The following NPHS2 variants were observed in gnomAD, a reference collection of about 807,000 sequenced individuals.
NPHS2 encodes the protein podocin.
In NPHS2, 36 loss-of-function variants were observed where a neutral mutation model predicts 37.1. The ratio of observed to expected loss-of-function variants is 0.97; its 90% CI spans 0.74 to 1.28. NPHS2 has a LOEUF of 1.28. Ranked by LOEUF, NPHS2 falls within the 50% of genes most tolerant of loss-of-function variation. The probability of loss-of-function intolerance (pLI) is 0.00; values close to 1 mark genes in which losing one functional copy is unlikely to be tolerated. For missense variants in NPHS2, 447 were observed against 488.1 expected, an observed-to-expected ratio of 0.92 and a Z score of 0.79; for synonymous variants, 196 against 189.3, an observed-to-expected ratio of 1.04 and a Z score of -0.29.
chr1:179,570,595 C>G lies in NPHS2; in HGVS notation c.274+4996G>C, dbSNP rs186816108. Among the ~76,000 whole-genome samples the G allele has an allele frequency of 1.3e-3, 202 of 152,278 alleles. 1 individual carries two copies. Among genetic ancestry groups the G allele is most frequent in the Non-Finnish European group, 2.3e-3 (158 of 68,024 alleles). On this transcript the variant is annotated intron_variant, in intron 1 of 7. Coordinates refer to ENST00000367615, the MANE Select transcript of NPHS2 (RefSeq NM_014625.4). Reference sequence around the variant, plus strand: ...TAGACACACAACCTTCCAGCTTGGGCGTTAGGGCCATTATGAACATGTTAC... The same window carrying G: ...TAGACACACAACCTTCCAGCTTGGGGGTTAGGGCCATTATGAACATGTTAC...
intron 4 of NPHS2, 88 bp from the exon 5 acceptor site, chr1:179,557,318 A>G (rs968967452): frequency 1.2e-5 from 13 of 1,045,142 alleles, no homozygotes; most frequent in Non-Finnish European, 1.8e-5. Flanking sequence ...TTCAAAGTGA[A>G]TTTTCTCCGC....
chr1:179,551,530 G>A, intron 7 of NPHS2, 79 bp from the exon 8 acceptor site: 1 of 1,526,388 alleles, frequency 6.6e-7, no homozygotes. Flanking sequence ...TGACTCAGCA[G>A]ACAAGCACTG....
chr1:179,575,695 G>T lies in NPHS2; in HGVS notation c.170C>A (p.Pro57His). The T allele has an allele frequency of 1.3e-6, 2 of 1,582,906 alleles. No individual in the cohort carries two copies. Among genetic ancestry groups the T allele is most frequent in the Non-Finnish European group, 1.7e-6 (2 of 1,170,284 alleles). ...GSGRAGTPGE[P>H]RAPAATVVDV... The stretch of plus-strand genomic sequence containing the variant: ...CACCACCGTGGCGGCGGGCGCTCGG[G>T]GCTCCCCCGGGGTCCCCGCCCGTCC... The change falls in exon 1 of 8, where the codon CCC becomes CAC. Residue 57 changes from proline (P) to histidine (H), a missense_variant. Pro to His is a moderately conservative substitution (Grantham distance 77). Transcript: ENST00000367615.
In NPHS2 at chr1:179,557,036, T is replaced by C. The variant is rs2125784362; in HGVS notation, c.729A>G (p.Gln243=). The stretch of plus-strand genomic sequence containing the variant: ...ATGTTTATCTAAGTACCTTTGCATC[T>C]TGGGCGATGCTCTTCCTCTCTAGAA... ...EILLERKSIA[Q]DAKVALDSVT... The change falls in exon 5 of 8, where the codon CAA becomes CAG. Residue 243 remains glutamine (Q), a synonymous_variant. Coordinates refer to ENST00000367615, the MANE Select transcript of NPHS2 (RefSeq NM_014625.4). The C allele has an allele frequency of 6.2e-7, 1 of 1,613,190 alleles. No homozygotes were observed. Among genetic ancestry groups the C allele is most frequent in the South Asian group, 1.1e-5 (1 of 90,974 alleles).
Position 179,550,757 on chromosome 1 carries a change from G to A in NPHS2, c.*416C>T. ...AAGACTGCATCTTTGGGACAGAAGA[G>A]CAATAGAGTGTGACAAGCCCAATGA... On this transcript the variant is annotated 3_prime_UTR_variant, in exon 8 of 8. Coordinates refer to ENST00000367615, the MANE Select transcript of NPHS2 (RefSeq NM_014625.4). 3 of 269,884 alleles carry A rather than the reference G, an allele frequency of 1.1e-5. No homozygotes were observed. The highest frequency in any genetic ancestry group is 2.2e-5 in the Non-Finnish European group (3 of 138,214). 16.7% of individuals were successfully genotyped at this position (269,884 alleles called of 1,614,324 possible).
chr1:179,562,958 G>A lies in NPHS2; in HGVS notation c.379-1597C>T, dbSNP rs576749727. On this transcript the variant is annotated intron_variant, in intron 2 of 7. Transcript: ENST00000367615. ...TAGGGCTTACCATCTTAAGTGACCAGATCTGAGAGCCTTTCCCAAAAACCA... is the reference window on the plus strand; with the variant it reads ...TAGGGCTTACCATCTTAAGTGACCAAATCTGAGAGCCTTTCCCAAAAACCA... 3.8e-4 allele frequency among the ~76,000 whole-genome samples: 58 copies of A among 152,172 alleles called. 1 individual carries two copies. Among genetic ancestry groups the A allele is most frequent in the Non-Finnish European group, 7.2e-4 (49 of 68,032 alleles).
chr1:179,571,611 AC>A (rs1302896038), intron 1 of NPHS2, among the ~76,000 whole-genome samples: 4 of 152,352 alleles, frequency 2.6e-5, no homozygotes, highest in Non-Finnish European at 4.4e-5. Flanking sequence ...GAGCTGTCAG[AC>A]AGGGATGTTT....
Position 179,551,002 on chromosome 1 carries a change from T to G in NPHS2, c.*171A>C. The G allele has an allele frequency of 1.3e-6, 1 of 756,454 alleles. No individual in the cohort carries two copies. Among genetic ancestry groups the G allele is most frequent in the Non-Finnish European group, 2.2e-6 (1 of 458,022 alleles). 46.9% of individuals were successfully genotyped at this position (756,454 alleles called of 1,614,324 possible). A position where few individuals can be genotyped will look rare whatever the true frequency, so the allele number is the denominator to read the frequency against. On this transcript the variant is annotated 3_prime_UTR_variant, in exon 8 of 8. Transcript: ENST00000367615. ...AACATGTTGTCTGCCTTCTCTGTCA[T>G]TACATCATTTCACCGTCTTCTCATG...
At position 179,575,851 on chromosome 1, in the gene NPHS2, G is replaced by A. The variant is rs1213377429; in HGVS notation, c.14C>T (p.Ala5Val). 7.0e-7 allele frequency: 1 copy of A among 1,425,822 alleles called. No individual in the cohort carries two copies. The highest frequency in any genetic ancestry group is 9.1e-7 in the Non-Finnish European group (1 of 1,098,926). 88.3% of individuals were successfully genotyped at this position (1,425,822 alleles called of 1,614,324 possible). Residue 5 changes from alanine to valine, a missense_variant, in exon 1 of 8, where the codon GCG becomes GTG. Transcript: ENST00000367615. Reference sequence around the variant, plus strand: ...GCGGGACTCCCTGGAGGAGCTCCGCGCCCTCCTCTCCATCCTCAGAGCTGC... The same window carrying A: ...GCGGGACTCCCTGGAGGAGCTCCGCACCCTCCTCTCCATCCTCAGAGCTGC... MERR[A>V]RSSSRESRGR...
chr1:179,561,386 A>T (rs933805265), intron 2 of NPHS2, 25 bp from the exon 3 acceptor site: 1 of 1,530,914 alleles, frequency 6.5e-7, no homozygotes, highest in South Asian at 1.1e-5. Context: ...AATCCTTTCA[A>T]ATCACTCCCA....
intron 1 of NPHS2, among the ~76,000 whole-genome samples, chr1:179,565,505 G>T (rs1463324280): frequency 6.6e-6 from 1 of 152,138 alleles, no homozygotes; most frequent in African/African-American, 2.4e-5. Flanking sequence ...TCTGGCAGAA[G>T]GATAAAATAA....
At chr1:179,569,718 C>T (rs973274180) in intron 1 of NPHS2, among the ~76,000 whole-genome samples, 1 of 152,080 alleles carries the variant, frequency 6.6e-6, no homozygotes, top group African/African-American at 2.4e-5. Flanking sequence ...CCTTCAGGAG[C>T]CCTTGTAAGG....
At position 179,575,947 on chromosome 1, in the gene NPHS2, T is replaced by C; in HGVS notation, c.-83A>G. ...GCAGTCCCTGTGGAGTCGCTGCGGG[T>C]CCGCGTGGCGTGCCCGGGGGACCCT... On this transcript the variant is annotated 5_prime_UTR_variant, in exon 1 of 8. Transcript: ENST00000367615. 8.1e-7 allele frequency: 1 copy of C among 1,240,610 alleles called. No homozygotes were observed. The highest frequency in any genetic ancestry group is 1.0e-6 in the Non-Finnish European group (1 of 977,452). The allele number at this position is 1,240,610 out of a possible 1,614,324, so 76.9% of individuals were successfully genotyped here.
In NPHS2 at chr1:179,559,684, G is replaced by T; in HGVS notation, c.529C>A (p.His177Asn). ...LRLQTLEIPF[H>N]EIVTKDMFIM... Reference sequence around the variant, plus strand: ...AAAGCCATCATTTGGCTTACCTCATGAAAAGGTATCTCCAGAGTTTGGAGA... The same window carrying T: ...AAAGCCATCATTTGGCTTACCTCATTAAAAGGTATCTCCAGAGTTTGGAGA... Residue 177 changes from histidine (H) to asparagine (N), a missense_variant, in exon 4 of 8, where the codon CAT (histidine) becomes AAT (asparagine). By Grantham distance (68) the His-to-Asn change is moderately conservative. Transcript: ENST00000367615. 6.3e-7 allele frequency: 1 copy of T among 1,582,528 alleles called. No homozygotes were observed. Among genetic ancestry groups the T allele is most frequent in the South Asian group, 1.1e-5 (1 of 87,078 alleles).
intron 6 of NPHS2, 104 bp downstream of exon 6, chr1:179,554,372 G>A (rs896831609): frequency 1.4e-4 from 191 of 1,325,800 alleles, no homozygotes; most frequent in Non-Finnish European, 2.0e-4. Context: ...ATGCTGATAT[G>A]GCTATAGTAC....
At chr1:179,570,927 T>C (rs1426495501) in intron 1 of NPHS2, among the ~76,000 whole-genome samples, 2 of 152,188 alleles carry the variant, frequency 1.3e-5, no homozygotes, top group African/African-American at 4.8e-5. Context: ...TCATTTAAGG[T>C]CTTCTCTATA....
rs372290340 is a variant in NPHS2 at position 179,551,149 on chromosome 1, C to T, written c.*24G>A. ...GACTTTTCTATGGCAGGCCCCTTTACAGTCACATTATGCCCCATCCTTCCT... is the reference window on the plus strand; with the variant it reads ...GACTTTTCTATGGCAGGCCCCTTTATAGTCACATTATGCCCCATCCTTCCT... On this transcript the variant is annotated 3_prime_UTR_variant, in exon 8 of 8. Coordinates refer to ENST00000367615, the MANE Select transcript of NPHS2 (RefSeq NM_014625.4). 7 of 1,613,096 alleles carry T rather than the reference C, an allele frequency of 4.3e-6. No homozygotes were observed. In the Admixed American group the frequency reaches 6.7e-5, roughly 15 times the overall value.
At position 179,561,350 on chromosome 1, in the gene NPHS2, C is replaced by A; in HGVS notation, c.390G>T (p.Glu130Asp). 8.1e-6 allele frequency: 13 copies of A among 1,610,696 alleles called. No individual in the cohort carries two copies. The highest frequency in any genetic ancestry group is 1.1e-5 in the Non-Finnish European group (13 of 1,177,010). Residue 130 changes from glutamate to aspartate, a missense_variant, in exon 3 of 8, where the codon GAG (glutamate) becomes GAT (aspartate). Coordinates refer to ENST00000367615, the MANE Select transcript of NPHS2 (RefSeq NM_014625.4). Reference sequence around the variant, plus strand: ...GTCGGAATATAATTACTCTTTCATACTCTTGTACAACCTAAAGAGAAATTT... The same window carrying A: ...GTCGGAATATAATTACTCTTTCATAATCTTGTACAACCTAAAGAGAAATTT... Reference protein sequence around the residue: ...SIWFCVKVVQEYERVIIFRLG... With the variant: ...SIWFCVKVVQDYERVIIFRLG...
chr1:179,572,286 G>A (rs191520563), intron 1 of NPHS2, among the ~76,000 whole-genome samples: 2 of 152,300 alleles, frequency 1.3e-5, no homozygotes, highest in East Asian at 1.9e-4. Flanking sequence ...AAGCCTTAAT[G>A]TCTGAAGTTC....
Sources: allele counts gnomAD v4.1 joint callset (sites outside exome capture counted in the v4.1 genomes callset), GRCh38; gene constraint gnomAD v4.1.1; transcripts MANE v1.5; gene names NCBI Gene and HGNC (gene_info 2026-07-23, HGNC 2026-07-21).